RANBP2: variants seen among roughly 807,000 people sequenced by gnomAD.
The protein encoded by RANBP2 is E3 SUMO-protein ligase RanBP2.
RANBP2 carries 57 observed loss-of-function variants against 303.6 expected under a neutral mutation model. The ratio of observed to expected loss-of-function variants is 0.19; its 90% confidence interval spans 0.15 to 0.23. RANBP2 has a LOEUF of 0.23. Among genes scored for constraint, RANBP2 ranks in the 10% least tolerant of loss-of-function variants. The pLI is 1.00. For synonymous variants in RANBP2, 1,167 were observed against 1,301.5 expected, an observed-to-expected ratio of 0.90 and a Z score of 2.23; for missense variants, 3,138 against 3,780.8, an observed-to-expected ratio of 0.83 and a Z score of 4.46.
the RANBP2 span, among the ~76,000 whole-genome samples, chr2:109,188,140 T>C: frequency 6.6e-6 from 1 of 152,212 alleles, no homozygotes; most frequent in African/African-American, 2.4e-5. Flanking sequence ...GGAAACAAAA[T>C]ATGACTTACA....
the RANBP2 span, among the ~76,000 whole-genome samples, chr2:109,699,261 C>T: frequency 6.6e-6 from 1 of 152,182 alleles, no homozygotes; most frequent in East Asian, 1.9e-4. Flanking sequence ...TTTCTTTGCG[C>T]ATTTTCTTTA....
the RANBP2 span, among the ~76,000 whole-genome samples, chr2:109,524,444 C>CAAAAAAAAAAAAAAAA: frequency 1.2e-3 from 101 of 84,392 alleles, 5 homozygotes; most frequent in African/African-American, 6.0e-3. Flanking sequence ...GACCCTGTCT[C>CAAAAAAAAAAAAAAAA]AAAAAAAAAA....
the RANBP2 span, among the ~76,000 whole-genome samples, chr2:109,748,788 G>A: frequency 6.6e-6 from 1 of 150,858 alleles, no homozygotes; most frequent in East Asian, 2.0e-4. Flanking sequence ...CAGGAGAATC[G>A]CTTGAACCCA....
chr2:108,722,772 TCCCACCTACTCGGTA>T (rs1397263976), intron 1 of RANBP2, among the ~76,000 whole-genome samples: 1 of 151,298 alleles, frequency 6.6e-6, no homozygotes, highest in South Asian at 2.1e-4. Context: ...GCGCCTGTAG[TCCCACCTACTCGGTA>T]GGCTGAGACA....
chr2:109,613,040 T>C, the RANBP2 span: 1 of 548,828 alleles, frequency 1.8e-6, no homozygotes, highest in South Asian at 1.5e-5. Flanking sequence ...CTATCAAAAA[T>C]TAAAAGGGAG....
intron 6 of RANBP2, among the ~76,000 whole-genome samples, chr2:108,740,158 G>T (rs1695960209): frequency 6.6e-6 from 1 of 152,118 alleles, no homozygotes; most frequent in Admixed American, 6.5e-5. Flanking sequence ...TATATGATCA[G>T]GAAGAAACTA....
chr2:109,449,858 TA>T, the RANBP2 span, among the ~76,000 whole-genome samples: 1 of 152,224 alleles, frequency 6.6e-6, no homozygotes, highest in Non-Finnish European at 1.5e-5. Flanking sequence ...TAATAATAAA[TA>T]TACAAATCTA....
chr2:108,823,955 C>A, the RANBP2 span, among the ~76,000 whole-genome samples: 3 of 151,606 alleles, frequency 2.0e-5, no homozygotes, highest in Admixed American at 2.0e-4. Context: ...CCAGCCTGGG[C>A]CACAGAGTGA....
the RANBP2 span, among the ~76,000 whole-genome samples, chr2:108,989,811 T>A: frequency 1.8e-5 from 2 of 113,114 alleles, no homozygotes; most frequent in Admixed American, 1.7e-4. Flanking sequence ...AAAAAGTAAA[T>A]GATTGGGGGG....
the RANBP2 span, among the ~76,000 whole-genome samples, chr2:108,814,620 CTCTG>C: frequency 6.6e-6 from 1 of 150,394 alleles, no homozygotes; most frequent in African/African-American, 2.4e-5. Context: ...TTTTATATTT[CTCTG>C]TCTTTGAATT....
At chr2:108,894,512 T>G in the RANBP2 span, 1 of 152,522 alleles carries the variant, frequency 6.6e-6, no homozygotes, top group Non-Finnish European at 1.5e-5. Context: ...TATAATAAGT[T>G]ATATATATAC....
At chr2:109,712,966 G>T in the RANBP2 span, among the ~76,000 whole-genome samples, 9,256 of 152,154 alleles carry the variant, frequency 0.061, 415 homozygotes, top group Middle Eastern at 0.13. Flanking sequence ...TGTATTGGGG[G>T]GATGGTACCT....
At chr2:109,270,394 T>C in the RANBP2 span, among the ~76,000 whole-genome samples, 1 of 152,176 alleles carries the variant, frequency 6.6e-6, no homozygotes, top group Non-Finnish European at 1.5e-5. Flanking sequence ...GTGGCTGTGA[T>C]TCCTGCTGTA....
the RANBP2 span, among the ~76,000 whole-genome samples, chr2:109,277,147 C>T: frequency 6.6e-6 from 1 of 152,160 alleles, no homozygotes; most frequent in Non-Finnish European, 1.5e-5. Context: ...GGTGGCAGGT[C>T]AGCCTTCTGT....
the RANBP2 span, among the ~76,000 whole-genome samples, chr2:108,998,310 T>C: frequency 1.3e-5 from 2 of 152,210 alleles, no homozygotes; most frequent in Non-Finnish European, 2.9e-5. Context: ...AGGGTCCCAC[T>C]GCTAGGGTCT....
chr2:109,585,094 A>T, the RANBP2 span: 1 of 1,414,384 alleles, frequency 7.1e-7, no homozygotes, highest in Admixed American at 2.3e-5. Flanking sequence ...AAATAAGAAA[A>T]ACTTGTTTTA....
the RANBP2 span, among the ~76,000 whole-genome samples, chr2:109,388,049 G>A: frequency 6.0e-4 from 92 of 152,264 alleles, no homozygotes; most frequent in Non-Finnish European, 9.1e-4. Context: ...AGCCCTCACA[G>A]CCTGAACTCC....
At chr2:109,117,553 T>A in the RANBP2 span, among the ~76,000 whole-genome samples, 1 of 152,216 alleles carries the variant, frequency 6.6e-6, no homozygotes, top group Non-Finnish European at 1.5e-5. Context: ...CTTCTTTGAC[T>A]AGGAAAGGGA....
At chr2:109,060,793 T>G in the RANBP2 span, among the ~76,000 whole-genome samples, 3 of 152,228 alleles carry the variant, frequency 2.0e-5, no homozygotes, top group South Asian at 6.2e-4. Context: ...TTAACTACCT[T>G]CTCACATTTT....
Sources: gnomAD v4.1 joint callset for allele counts (sites outside exome capture counted in the v4.1 genomes callset) on GRCh38, gnomAD v4.1.1 for gene constraint, MANE v1.5 for transcripts, NCBI Gene and HGNC (gene_info 2026-07-23, HGNC 2026-07-21) for gene names.